The following C6orf89 variants were observed in gnomAD, a reference collection of about 807,000 sequenced individuals.
The protein encoded by C6orf89 is chromosome 6 open reading frame 89, also known as bombesin receptor-activated protein C6orf89.
Under a neutral mutation model 40.7 loss-of-function variants are expected in C6orf89, and 29 were observed. The observed-to-expected ratio is 0.71, with a 90% confidence interval of 0.53 to 0.97. The LOEUF is 0.97. Among genes scored for constraint, C6orf89 ranks in the 50% least tolerant of loss-of-function variants. C6orf89 has a pLI of 0.00. For missense variants in C6orf89, 392 were observed against 429.1 expected (o/e 0.91, Z 0.76); for synonymous variants, 165 against 152.2 (o/e 1.08, Z -0.62).
intron 4 of C6orf89, among the ~76,000 whole-genome samples, chr6:36,908,201 G>A (rs1178746653): frequency 6.6e-6 from 1 of 152,210 alleles, no homozygotes; most frequent in Non-Finnish European, 1.5e-5. Flanking sequence ...TAGTTCAGGT[G>A]GATGGCATAG....
chr6:36,914,309 C>G lies in C6orf89; in HGVS notation c.429C>G (p.Asp143Glu). Residue 143 changes from aspartate (D) to glutamate (E), a missense_variant, in exon 5 of 9, where the codon GAC (aspartate) becomes GAG (glutamate). Asp to Glu is a conservative substitution (Grantham distance 45, BLOSUM62 2). Transcript: ENST00000480824. ...ACTTTGACCCCTGGTGGACAAACGA[C>G]TGTGAGCAGAATGAGTCAGAGCCCA... ...FPDFDPWWTN[D>E]CEQNESEPIP... The G allele has an allele frequency of 6.2e-7, 1 of 1,614,082 alleles. No homozygotes were observed. Among genetic ancestry groups the G allele is most frequent in the Non-Finnish European group, 8.5e-7 (1 of 1,179,974 alleles).
intron 1 of C6orf89, among the ~76,000 whole-genome samples, chr6:36,874,054 C>A (rs17552005): frequency 0.073 from 11,151 of 152,248 alleles, 421 homozygotes; most frequent in South Asian, 0.098. Flanking sequence ...AGGCTCCAAA[C>A]GAGGTTCTTC....
At chr6:36,913,850 ATCATTGTTTG>A (rs1762215757) in intron 4 of C6orf89, among the ~76,000 whole-genome samples, 1 of 152,204 alleles carries the variant, frequency 6.6e-6, no homozygotes, top group African/African-American at 2.4e-5. Context: ...TCCAGTGCTT[ATCATTGTTTG>A]TTTTTAAAAA....
intron 7 of C6orf89, among the ~76,000 whole-genome samples, chr6:36,918,041 C>T (rs1439476854): frequency 2.0e-5 from 3 of 152,260 alleles, no homozygotes; most frequent in African/African-American, 7.2e-5. Flanking sequence ...CTCCCCTTTC[C>T]CCGCAGCCTT....
At position 36,914,621 on chromosome 6, in the gene C6orf89, G is replaced by T; in HGVS notation, c.623G>T (p.Gly208Val). 1 of 1,614,262 alleles carries T rather than the reference G, an allele frequency of 6.2e-7. No individual in the cohort carries two copies. Among genetic ancestry groups the T allele is most frequent in the Non-Finnish European group, 8.5e-7 (1 of 1,180,052 alleles). ...FLCQYPEATE[G>V]FSEGFFAKWW... ...TGCCAGTACCCTGAGGCGACAGAAG[G>T]CTTCTCTGAAGGGTTTTTCGCCAAG... Residue 208 changes from glycine (G) to valine (V), a missense_variant, in exon 6 of 9, where the codon GGC (glycine) becomes GTC (valine). Transcript: ENST00000480824.
chr6:36,874,269 C>T (rs1774586660), intron 1 of C6orf89, among the ~76,000 whole-genome samples: 1 of 152,218 alleles, frequency 6.6e-6, no homozygotes, highest in Non-Finnish European at 1.5e-5. Context: ...AAATGTGCTT[C>T]TTCCTGTATT....
In C6orf89 at chr6:36,923,555, G is replaced by A; in HGVS notation, c.*114G>A. On this transcript the variant is annotated 3_prime_UTR_variant, in exon 9 of 9. Transcript: ENST00000480824. ...CTGGGGGTTGGTTACTTAGTTACCT[G>A]CCCTTTGCATGCATGTGTGAACCAG... 1.2e-6 allele frequency: 1 copy of A among 801,844 alleles called. No individual in the cohort carries two copies. The highest frequency in any genetic ancestry group is 2.1e-6 in the Non-Finnish European group (1 of 466,028). 49.7% of individuals were successfully genotyped at this position (801,844 alleles called of 1,614,324 possible). A position where few individuals can be genotyped will look rare whatever the true frequency, so the allele number is the denominator to read the frequency against.
chr6:36,877,189 C>G (rs1311573102), intron 1 of C6orf89, among the ~76,000 whole-genome samples: 3 of 152,134 alleles, frequency 2.0e-5, no homozygotes, highest in Non-Finnish European at 4.4e-5. Context: ...TATAATGGTG[C>G]TGCGATGGAT....
chr6:36,879,052 C>A (rs75695528), exon 2 of C6orf89: 1 of 153,070 alleles, frequency 6.5e-6, no homozygotes. Flanking sequence ...TAGCGACCCC[C>A]AGGAGCACTG....
In C6orf89 at chr6:36,899,907, G is replaced by A. The variant is rs192840024; in HGVS notation, c.189+274G>A. Among the ~76,000 whole-genome samples the A allele has an allele frequency of 1.2e-3, 186 of 152,332 alleles. 2 individuals carry two copies. Among genetic ancestry groups the A allele is most frequent in the South Asian group, 6.6e-3 (32 of 4,828 alleles). On this transcript the variant is annotated intron_variant, in intron 3 of 8. Transcript: ENST00000480824. ...TGTTTGTTGTGTGTGTGTGTTTTGAGACGGAGTCTCACTCTTGTTGCCTAG... is the reference window on the plus strand; with the variant it reads ...TGTTTGTTGTGTGTGTGTGTTTTGAAACGGAGTCTCACTCTTGTTGCCTAG...
At chr6:36,893,226 G>A (rs2150683271) in intron 1 of C6orf89, among the ~76,000 whole-genome samples, 1 of 151,992 alleles carries the variant, frequency 6.6e-6, no homozygotes, top group African/African-American at 2.4e-5. Flanking sequence ...GAGCCACCGC[G>A]CCCGGCCTTG....
At chr6:36,893,181 G>A (rs567185048) in intron 1 of C6orf89, among the ~76,000 whole-genome samples, 13 of 151,904 alleles carry the variant, frequency 8.6e-5, no homozygotes, top group Admixed American at 5.9e-4. Flanking sequence ...TGATCTGCCC[G>A]CCTCGGCCTC....
intron 4 of C6orf89, among the ~76,000 whole-genome samples, chr6:36,903,651 G>A (rs1039737232): frequency 6.6e-6 from 1 of 152,058 alleles, no homozygotes; most frequent in Non-Finnish European, 1.5e-5. Context: ...AGTAGAGACA[G>A]GGTTTCACCG....
At chr6:36,901,323 T>TATTA (rs1382621439) in intron 3 of C6orf89, among the ~76,000 whole-genome samples, 5 of 32,558 alleles carry the variant, frequency 1.5e-4, no homozygotes, top group African/African-American at 6.8e-4. Context: ...TTATTATTAT[T>TATTA]TTTTTTTTTT....
intron 2 of C6orf89, 108 bp downstream of exon 2, chr6:36,894,711 C>A: frequency 5.0e-6 from 1 of 199,796 alleles, no homozygotes; most frequent in African/African-American, 2.4e-5. Flanking sequence ...TGGGATCGAT[C>A]ACAGCTACCT....
chr6:36,896,727 G>A (rs150323287), intron 2 of C6orf89, among the ~76,000 whole-genome samples: 18 of 152,116 alleles, frequency 1.2e-4, no homozygotes, highest in African/African-American at 7.2e-5. Flanking sequence ...AACCATTGCC[G>A]AATCCCAGAA....
rs1762719460 is a variant in C6orf89 at position 36,927,431 on chromosome 6, AAGAG to A, written c.*3996_*3999del. ...AAGGAGAAAGCCAGGTTATAGGAGAAAGAGAGAGAAAGGCGCATGTCTGTTTGCA... is the reference window on the plus strand; with the variant it reads ...AAGGAGAAAGCCAGGTTATAGGAGAAAGAGAAAGGCGCATGTCTGTTTGCA... On this transcript the variant is annotated 3_prime_UTR_variant, in exon 9 of 9. Transcript: ENST00000480824. The A allele has an allele frequency of 6.6e-6, 1 of 152,248 alleles. No homozygotes were observed. The highest frequency in any genetic ancestry group is 6.5e-5 in the Admixed American group (1 of 15,282). The allele number at this position is 152,248 out of a possible 1,614,324, so 9.4% of individuals were successfully genotyped here. A position where few individuals can be genotyped will look rare whatever the true frequency, so the allele number is the denominator to read the frequency against.
intron 4 of C6orf89, among the ~76,000 whole-genome samples, chr6:36,903,326 A>G (rs565228999): frequency 6.6e-6 from 1 of 152,178 alleles, no homozygotes; most frequent in East Asian, 1.9e-4. Context: ...GCAATGTAGA[A>G]TAATATGTGT....
chr6:36,900,941 G>A (rs1018776828), intron 3 of C6orf89, among the ~76,000 whole-genome samples: 4 of 152,058 alleles, frequency 2.6e-5, no homozygotes, highest in Non-Finnish European at 5.9e-5. Context: ...CCGCCTCCCA[G>A]GTTCAAGCAA....
Sources: allele counts gnomAD v4.1 joint callset (sites outside exome capture counted in the v4.1 genomes callset), GRCh38; gene constraint gnomAD v4.1.1; transcripts MANE v1.5; gene names NCBI Gene and HGNC (gene_info 2026-07-23, HGNC 2026-07-21).